Variants in FAM114A1 observed in about 807,000 individuals in gnomAD.
FAM114A1 encodes the protein family with sequence similarity 114 member A1.
A neutral mutation model predicts 64.3 loss-of-function variants in FAM114A1; 62 were observed. The ratio of observed to expected loss-of-function variants is 0.96; its 90% CI spans 0.79 to 1.19. The LOEUF (loss-of-function observed/expected upper bound fraction) is 1.19. FAM114A1 is among the 50% of genes most tolerant of loss of function. FAM114A1 has a pLI of 0.00. For missense variants in FAM114A1, 645 were observed against 676.3 expected (o/e 0.95, Z 0.51); for synonymous variants, 254 against 251.1 (o/e 1.01, Z -0.11).
Position 38,905,570 on chromosome 4 carries a change from T to C in FAM114A1, c.485T>C (p.Ile162Thr), listed in dbSNP as rs1202740956. 6.2e-7 allele frequency: 1 copy of C among 1,614,204 alleles called. No individual in the cohort carries two copies. The highest frequency in any genetic ancestry group is 8.5e-7 in the Non-Finnish European group (1 of 1,180,044). ...VKEKAGATLR[I>T]HGVNSGSSEG... ...GAAAAAGCAGGAGCCACTCTACGGA[T>C]TCATGGTGTAAATTCTGGATCTTCT... The change falls in exon 5 of 15, where the codon ATT becomes ACT. Residue 162 changes from isoleucine (I) to threonine (T), a missense_variant. Ile to Thr is a moderately conservative substitution (Grantham distance 89, BLOSUM62 -1). Coordinates refer to ENST00000358869, the MANE Select transcript of FAM114A1 (RefSeq NM_138389.4).
intron 9 of FAM114A1, 133 bp downstream of exon 9, chr4:38,923,026 T>A (rs1719757478): frequency 9.5e-7 from 1 of 1,047,778 alleles, no homozygotes; most frequent in Non-Finnish European, 1.3e-6. Flanking sequence ...ACACTGTGCA[T>A]CTGCTCTTGT....
chr4:38,922,362 G>A (rs1382855117), intron 8 of FAM114A1, among the ~76,000 whole-genome samples: 2 of 152,222 alleles, frequency 1.3e-5, no homozygotes, highest in Non-Finnish European at 2.9e-5. Context: ...GGATAAAGAA[G>A]CTGAGGCATT....
At chr4:38,887,146 G>A (rs1301345501) in intron 3 of FAM114A1, among the ~76,000 whole-genome samples, 1 of 152,120 alleles carries the variant, frequency 6.6e-6, no homozygotes, top group Non-Finnish European at 1.5e-5. Flanking sequence ...GTTTAGATGG[G>A]TTTTTGGTGT....
At chr4:38,931,927 A>T in intron 11 of FAM114A1, among the ~76,000 whole-genome samples, 1 of 152,144 alleles carries the variant, frequency 6.6e-6, no homozygotes, top group East Asian at 1.9e-4. Context: ...AAAAATATCC[A>T]TTGAGCTCTG....
chr4:38,877,453 T>A (rs1714750559), intron 2 of FAM114A1, among the ~76,000 whole-genome samples: 1 of 151,976 alleles, frequency 6.6e-6, no homozygotes, highest in Admixed American at 6.6e-5. Context: ...GGGTTCATGC[T>A]CCTATGAGAA....
chr4:38,920,996 T>C (rs1417330852), intron 8 of FAM114A1, among the ~76,000 whole-genome samples: 2 of 152,180 alleles, frequency 1.3e-5, no homozygotes, highest in Non-Finnish European at 1.5e-5. Context: ...TTTAGGAAAA[T>C]GGTGTCCTGG....
At position 38,908,605 on chromosome 4, in the gene FAM114A1, T is replaced by C; in HGVS notation, c.671T>C (p.Leu224Ser). 6.2e-7 allele frequency: 1 copy of C among 1,612,390 alleles called. No individual in the cohort carries two copies. The highest frequency in any genetic ancestry group is 1.1e-5 in the South Asian group (1 of 90,860). ...TCTCATCTGCAGGGTAAAAGTGTCT[T>C]AACTGGAGGCCTTGATGCGTTGGAA... ...NVVQNTGKSV[L>S]TGGLDALEFI... The change falls in exon 7 of 15, where the codon TTA becomes TCA. Residue 224 changes from leucine (L) to serine (S), a missense_variant. Leu to Ser is a moderately radical substitution (Grantham distance 145). Coordinates refer to ENST00000358869, the MANE Select transcript of FAM114A1 (RefSeq NM_138389.4).
At chr4:38,917,223 A>G (rs2109731097) in intron 8 of FAM114A1, among the ~76,000 whole-genome samples, 1 of 152,140 alleles carries the variant, frequency 6.6e-6, no homozygotes, top group East Asian at 1.9e-4. Context: ...CTGTAATACC[A>G]GCTACTCAGG....
chr4:38,886,247 C>T (rs944246190), intron 3 of FAM114A1, among the ~76,000 whole-genome samples: 3 of 151,364 alleles, frequency 2.0e-5, no homozygotes. Flanking sequence ...TCTCAGCTCA[C>T]TGCAACCTCC....
intron 13 of FAM114A1, among the ~76,000 whole-genome samples, chr4:38,936,079 T>C (rs1196729868): frequency 6.6e-6 from 1 of 151,088 alleles, no homozygotes; most frequent in African/African-American, 2.5e-5. Context: ...GTTTGTTTGA[T>C]TTTTGTTTTG....
At position 38,943,614 on chromosome 4, in the gene FAM114A1, A is replaced by G. The variant is rs1721749572; in HGVS notation, c.*57A>G. 3.4e-6 allele frequency: 5 copies of G among 1,460,342 alleles called. No homozygotes were observed. The highest frequency in any genetic ancestry group is 3.8e-6 in the Non-Finnish European group (4 of 1,042,518). 90.5% of individuals were successfully genotyped at this position (1,460,342 alleles called of 1,614,324 possible). On this transcript the variant is annotated 3_prime_UTR_variant, in exon 15 of 15. Coordinates refer to ENST00000358869, the MANE Select transcript of FAM114A1 (RefSeq NM_138389.4). ...AGCTGGCCGCCTTGCCTCAATATGT[A>G]CCATTTAAGGGGATGTTCTCTGTGC...
At chr4:38,884,107 G>C (rs1715564354) in intron 3 of FAM114A1, among the ~76,000 whole-genome samples, 1 of 152,234 alleles carries the variant, frequency 6.6e-6, no homozygotes, top group Non-Finnish European at 1.5e-5. Context: ...GACACAGCAA[G>C]AGCTAGTTGG....
rs377046582 is a variant in FAM114A1, at chr4:38,922,685, C to T, written c.946-85C>T. On this transcript the variant is annotated intron_variant, in intron 8 of 14. Transcript: ENST00000358869. ...CTCCCACACCATGAATCACTTTTGT[C>T]CTGGGAAAACTGGGGACCGCTGTGT... 6.2e-5 allele frequency: 93 copies of T among 1,500,602 alleles called. No homozygotes were observed. The East Asian group carries it at 8.5e-4, about 14-fold the overall frequency. The allele number at this position is 1,500,602 out of a possible 1,614,324, so 93.0% of individuals were successfully genotyped here.
At chr4:38,909,305 C>T (rs572688742) in intron 7 of FAM114A1, among the ~76,000 whole-genome samples, 2 of 152,272 alleles carry the variant, frequency 1.3e-5, no homozygotes, top group African/African-American at 4.8e-5. Context: ...TAGAACCCAG[C>T]TCTTAGTAAG....
chr4:38,880,778 A>G (rs1715184303), intron 3 of FAM114A1, among the ~76,000 whole-genome samples: 3 of 152,246 alleles, frequency 2.0e-5, no homozygotes, highest in Admixed American at 2.0e-4. Flanking sequence ...CACCATTATC[A>G]CCTAAGATGA....
At chr4:38,889,971 T>C (rs1716166505) in intron 3 of FAM114A1, among the ~76,000 whole-genome samples, 1 of 152,170 alleles carries the variant, frequency 6.6e-6, no homozygotes, top group Non-Finnish European at 1.5e-5. Context: ...CAGGTCCACA[T>C]TCAGGGCAGA....
At chr4:38,918,529 T>C (rs1195737491) in intron 8 of FAM114A1, among the ~76,000 whole-genome samples, 1 of 152,266 alleles carries the variant, frequency 6.6e-6, no homozygotes, top group Non-Finnish European at 1.5e-5. Flanking sequence ...ACTTTTTCAG[T>C]ATAAATGTGT....
At chr4:38,911,817 TTTTC>T (rs1297976850) in intron 7 of FAM114A1, among the ~76,000 whole-genome samples, 5 of 151,514 alleles carry the variant, frequency 3.3e-5, no homozygotes, top group African/African-American at 7.3e-5. Context: ...TACTCTTTCT[TTTTC>T]TTTCTTTCTT....
chr4:38,939,534 T>C (rs1471258079), intron 13 of FAM114A1, among the ~76,000 whole-genome samples: 1 of 152,198 alleles, frequency 6.6e-6, no homozygotes, highest in Non-Finnish European at 1.5e-5. Context: ...GCAAATACCA[T>C]AATGGATTTT....
Sources: gnomAD v4.1 joint callset for allele counts (sites outside exome capture counted in the v4.1 genomes callset) on GRCh38, gnomAD v4.1.1 for gene constraint, MANE v1.5 for transcripts, NCBI Gene and HGNC (gene_info 2026-07-23, HGNC 2026-07-21) for gene names.